The following DGKZ variants were observed in gnomAD, a reference collection of about 807,000 sequenced individuals.
The protein encoded by DGKZ is diacylglycerol kinase zeta.
DGKZ carries 45 observed loss-of-function variants against 142.5 expected under a neutral mutation model. The observed-to-expected ratio is 0.32, with a 90% CI of 0.25 to 0.40. The LOEUF (loss-of-function observed/expected upper bound fraction) is 0.40. DGKZ is among the 10% of genes least tolerant of loss of function. The pLI is 1.00. For missense variants in DGKZ, 755 were observed against 1,306.5 expected (o/e 0.58, Z 6.51); for synonymous variants, 442 against 527.0 (o/e 0.84, Z 2.21).
Position 46,372,256 on chromosome 11 carries a change from T to G in DGKZ, c.927+86T>G. 7.2e-7 allele frequency: 1 copy of G among 1,395,344 alleles called. No homozygotes were observed. The allele number at this position is 1,395,344 out of a possible 1,614,324, so 86.4% of individuals were successfully genotyped here. On this transcript the variant is annotated intron_variant, in intron 10 of 30. Coordinates refer to ENST00000527911, the Ensembl canonical transcript of DGKZ. The surrounding 1 kb of genome is among the most constrained non-coding windows in gnomAD (Gnocchi z 5.9). Reference sequence around the variant, plus strand: ...GCCAGCAGCTGTTCCCAGAGCCCGTTTCTGGCTTCTACCCCAATCCCTCTT... The same window carrying G: ...GCCAGCAGCTGTTCCCAGAGCCCGTGTCTGGCTTCTACCCCAATCCCTCTT...
chr11:46,364,417 G>A (rs145631478), intron 1 of DGKZ: 8 of 1,288,338 alleles, frequency 6.2e-6, no homozygotes, highest in Non-Finnish European at 8.1e-6. Flanking sequence ...GAGACCCAGC[G>A]CTCTCCACCC....
In DGKZ at chr11:46,347,672, G is replaced by A; in HGVS notation, c.13G>A (p.Asp5Asn). ...GGGCTAGGGCCGGATGGAGCCGCGG[G>A]ACGGTAGCCCCGAGGCCCGGAGCAG... Residue 5 changes from aspartate (D) to asparagine (N), a missense_variant, in exon 1 of 31, where the codon GAC becomes AAC. Asp to Asn is a conservative substitution (Grantham distance 23). Coordinates refer to ENST00000527911, the Ensembl canonical transcript of DGKZ. This position sits in a 1 kb window ranked among gnomAD's most constrained non-coding sequence, Gnocchi z 6.4. 1 of 1,436,234 alleles carries A rather than the reference G, an allele frequency of 7.0e-7. No homozygotes were observed. The allele number at this position is 1,436,234 out of a possible 1,614,324, so 89.0% of individuals were successfully genotyped here.
chr11:46,357,657 C>A (rs756738398), intron 1 of DGKZ, among the ~76,000 whole-genome samples: 1 of 152,246 alleles, frequency 6.6e-6, no homozygotes, highest in African/African-American at 2.4e-5. Flanking sequence ...TGCCCAGATG[C>A]GCTAGACCTG....
chr11:46,334,179 A>C (rs912196257), intron 1 of DGKZ, among the ~76,000 whole-genome samples: 2 of 152,086 alleles, frequency 1.3e-5, no homozygotes, highest in Admixed American at 1.3e-4. Context: ...GTAGGACGTT[A>C]ATGAGGGAGG....
chr11:46,333,519 C>T lies in DGKZ; in HGVS notation c.212+32C>T, dbSNP rs1939868699. 6 of 1,526,724 alleles carry T rather than the reference C, an allele frequency of 3.9e-6. No homozygotes were observed. In the South Asian group the frequency reaches 6.0e-5, roughly 15 times the overall value. 94.6% of individuals were successfully genotyped at this position (1,526,724 alleles called of 1,614,324 possible). On this transcript the variant is annotated intron_variant, in intron 1 of 30. Coordinates refer to the DGKZ transcript ENST00000343674. ...AGGACGTGGGCAGAGGGGAGCGCGG[C>T]GCTTGGGACCACCCCTCTTGCAGGC... is the stretch of plus-strand genomic sequence containing the variant.
At chr11:46,373,500 T>TTG (rs368741818) in intron 14 of DGKZ, among the ~76,000 whole-genome samples, 29,353 of 148,012 alleles carry the variant, frequency 0.2, 3,467 homozygotes, top group African/African-American at 0.32. Flanking sequence ...TTTTTTTTGT[T>TTG]TTTGTTTTTT....
In DGKZ at chr11:46,378,743, G is replaced by A. The variant is rs1944855542; in HGVS notation, c.2418+243G>A. 3 of 843,544 alleles carry A rather than the reference G, an allele frequency of 3.6e-6. No individual in the cohort carries two copies. The South Asian group carries it at 4.3e-5, about 12-fold the overall frequency. 52.3% of individuals were successfully genotyped at this position (843,544 alleles called of 1,614,324 possible). On this transcript the variant is annotated intron_variant, in intron 27 of 30. Transcript: ENST00000527911. ...ACCTGTCCCTGGTGCTTAGAAAGGA[G>A]CAGGTCAGAGGAAGCACTGCTCCAG...
upstream of DGKZ, chr11:46,345,396 A>G (rs1940512743): frequency 1.4e-6 from 2 of 1,421,954 alleles, no homozygotes; most frequent in African/African-American, 1.5e-5. The surrounding 1 kb of genome is among the most constrained non-coding windows in gnomAD (Gnocchi z 4.1). Context: ...AGAGGAAGAG[A>G]GTCGCCGGGC....
intron 1 of DGKZ, among the ~76,000 whole-genome samples, chr11:46,351,650 C>T (rs1192532319): frequency 1.3e-5 from 2 of 152,196 alleles, no homozygotes; most frequent in Admixed American, 6.5e-5. Flanking sequence ...TGGGCTAATG[C>T]TGGGAGCAGC....
chr11:46,364,341 G>A (rs1289265981), intron 1 of DGKZ: 6 of 1,280,312 alleles, frequency 4.7e-6, no homozygotes, highest in Non-Finnish European at 6.1e-6. Context: ...TTTGTCAGGG[G>A]CTTAGCACAG....
chr11:46,368,597 C>T, intron 4 of DGKZ: 1 of 264,768 alleles, frequency 3.8e-6, no homozygotes, highest in Non-Finnish European at 7.5e-6. Context: ...TCCCAGCCTG[C>T]AGAAACCCAG....
Position 46,367,894 on chromosome 11 carries a change from C to T in DGKZ, c.367-108C>T. On this transcript the variant is annotated intron_variant, in intron 3 of 30. Coordinates refer to ENST00000527911, the Ensembl canonical transcript of DGKZ. This position sits in a 1 kb window ranked among gnomAD's most constrained non-coding sequence, Gnocchi z 4.1. Reference sequence around the variant, plus strand: ...GGGGTGCAGGGGCTTTGTCCGGATGCCAGGACTGGGGCTTCCCAGTGCACA... The same window carrying T: ...GGGGTGCAGGGGCTTTGTCCGGATGTCAGGACTGGGGCTTCCCAGTGCACA... 1 of 1,519,504 alleles carries T rather than the reference C, an allele frequency of 6.6e-7. No individual in the cohort carries two copies. The highest frequency in any genetic ancestry group is 9.1e-7 in the Non-Finnish European group (1 of 1,096,326). 94.1% of individuals were successfully genotyped at this position (1,519,504 alleles called of 1,614,324 possible). A position where few individuals can be genotyped will look rare whatever the true frequency, so the allele number is the denominator to read the frequency against.
intron 9 of DGKZ, 82 bp from the exon 10 acceptor site, chr11:46,371,993 A>G (rs767303607): frequency 2.9e-6 from 4 of 1,399,922 alleles, no homozygotes; most frequent in Non-Finnish European, 4.0e-6. Flanking sequence ...GAGGGAACAA[A>G]GTCACCCAGG....
At chr11:46,333,545 G>A in intron 1 of DGKZ, 1 of 1,465,018 alleles carries the variant, frequency 6.8e-7, no homozygotes, top group Non-Finnish European at 9.2e-7. Context: ...TCTTGCAGGC[G>A]TCATTGCACA....
chr11:46,370,112 C>T (rs564831186), intron 6 of DGKZ, 103 bp downstream of exon 6: 2 of 1,438,244 alleles, frequency 1.4e-6, no homozygotes, highest in Non-Finnish European at 2.0e-6. Flanking sequence ...CCCTGGTGTG[C>T]AGAGTCCGGG....
In DGKZ at chr11:46,347,583, C is replaced by T. The variant is rs1382476865; in HGVS notation, c.-77C>T. On this transcript the variant is annotated 5_prime_UTR_variant, in exon 1 of 31. Transcript: ENST00000527911. The surrounding 1 kb of genome is among the most constrained non-coding windows in gnomAD (Gnocchi z 6.4). ...CATGGAGGTGGCGGGCGGCGCGGAG[C>T]GGGCGTGCTGAGCCCCGGCCGCCGG... 7 of 1,121,376 alleles carry T rather than the reference C, an allele frequency of 6.2e-6. No homozygotes were observed. The highest frequency in any genetic ancestry group is 7.6e-6 in the Non-Finnish European group (7 of 917,768). The allele number at this position is 1,121,376 out of a possible 1,614,324, so 69.5% of individuals were successfully genotyped here. A position where few individuals can be genotyped will look rare whatever the true frequency, so the allele number is the denominator to read the frequency against.
In DGKZ at chr11:46,362,642, G is replaced by T. The variant is rs1415702814; in HGVS notation, c.162-4649G>T. Among the ~76,000 whole-genome samples the T allele has an allele frequency of 2.0e-5, 3 of 152,174 alleles. No individual in the cohort carries two copies. In the East Asian group the frequency reaches 5.8e-4, roughly 29 times the overall value. On this transcript the variant is annotated intron_variant, in intron 1 of 30. Coordinates refer to ENST00000527911, the Ensembl canonical transcript of DGKZ. ...CCATTTTGCAGATGAGAAAATTGAGGCTCAGAAAGGTTAGTGGATCAGTCT... is the reference window on the plus strand; with the variant it reads ...CCATTTTGCAGATGAGAAAATTGAGTCTCAGAAAGGTTAGTGGATCAGTCT...
chr11:46,340,324 G>T (rs1940215798), intron 1 of DGKZ, among the ~76,000 whole-genome samples: 1 of 152,192 alleles, frequency 6.6e-6, no homozygotes, highest in Admixed American at 6.5e-5. Flanking sequence ...AGATGTGAGT[G>T]GGAGGCTTGG....
chr11:46,364,124 C>T (rs565789756), intron 1 of DGKZ, among the ~76,000 whole-genome samples: 16 of 152,326 alleles, frequency 1.1e-4, no homozygotes, highest in Non-Finnish European at 1.8e-4. Flanking sequence ...CCATCCCAGC[C>T]TCATGTTCCA....
Sources: allele counts gnomAD v4.1 joint callset (sites outside exome capture counted in the v4.1 genomes callset), GRCh38; gene constraint gnomAD v4.1.1; non-coding constraint Gnocchi (gnomAD v3.1); transcripts MANE v1.5; gene names NCBI Gene and HGNC (gene_info 2026-07-23, HGNC 2026-07-21).